Variants in ZNF236 observed in about 807,000 individuals in gnomAD.
ZNF236 encodes the protein zinc finger protein 236.
ZNF236 carries 50 observed loss-of-function variants against 191.2 expected under a neutral mutation model. The observed-to-expected ratio is 0.26, with a 90% CI of 0.21 to 0.33. ZNF236 has a LOEUF of 0.33. Ranked by LOEUF, ZNF236 falls within the 10% of genes least tolerant of loss-of-function variation. The probability of loss-of-function intolerance (pLI) is 1.00; values close to 1 mark genes in which losing one functional copy is unlikely to be tolerated. For missense variants in ZNF236, 1,754 were observed against 2,374.5 expected (o/e 0.74, Z 5.43); for synonymous variants, 907 against 928.8 (o/e 0.98, Z 0.43).
At position 76,971,338 on chromosome 18, in the gene ZNF236, C is replaced by A. The variant is rs992789824; in HGVS notation, c.*2999C>A. On this transcript the variant is annotated 3_prime_UTR_variant, in exon 31 of 31. Transcript: ENST00000320610. ...AAAACTTGAGGCACTTAGAAAGTATCTAAATAGAGGAAATGCTATGACATG... is the reference window on the plus strand; with the variant it reads ...AAAACTTGAGGCACTTAGAAAGTATATAAATAGAGGAAATGCTATGACATG... Among the ~76,000 whole-genome samples, 3 of 152,164 alleles carry A rather than the reference C, an allele frequency of 2.0e-5. No individual in the cohort carries two copies. The highest frequency in any genetic ancestry group is 4.8e-5 in the African/African-American group (2 of 41,430).
intron 15 of ZNF236, 87 bp from the exon 16 acceptor site, chr18:76,910,573 A>G (rs684192): frequency 0.37 from 478,503 of 1,308,422 alleles, 89,889 homozygotes; most frequent in East Asian, 0.53. Context: ...GCCCCTTTAG[A>G]CATTTTAAAT....
At chr18:76,901,878 G>T (rs117870293) in intron 11 of ZNF236, among the ~76,000 whole-genome samples, 2,417 of 152,274 alleles carry the variant, frequency 0.016, 30 homozygotes, top group Middle Eastern at 0.02. Context: ...CCATGGTAGC[G>T]TAGAATACTT....
chr18:76,824,484 G>C (rs1258238942), intron 1 of ZNF236: 7 of 779,914 alleles, frequency 9.0e-6, no homozygotes, highest in Non-Finnish European at 1.7e-5. Context: ...CTTTAAGGAA[G>C]TCTTTGTTGC....
chr18:76,831,920 T>A (rs1347873817), intron 1 of ZNF236, among the ~76,000 whole-genome samples: 1 of 152,248 alleles, frequency 6.6e-6, no homozygotes, highest in Admixed American at 6.5e-5. Context: ...GAGTTTTTTA[T>A]AGTCTCCTAT....
At chr18:76,846,367 G>T (rs186563365) in intron 1 of ZNF236, among the ~76,000 whole-genome samples, 6 of 152,348 alleles carry the variant, frequency 3.9e-5, no homozygotes, top group African/African-American at 7.2e-5. Context: ...CTGGGACACT[G>T]CCCAGAAAGG....
At chr18:76,913,974 T>A in intron 18 of ZNF236, 76 bp downstream of exon 18, 1 of 1,488,578 alleles carries the variant, frequency 6.7e-7, no homozygotes, top group Admixed American at 1.8e-5. Context: ...CATATACCAT[T>A]CAGTTCACCC....
At chr18:76,867,253 C>T (rs1290919711) in intron 3 of ZNF236, among the ~76,000 whole-genome samples, 2 of 147,178 alleles carry the variant, frequency 1.4e-5, no homozygotes, top group Non-Finnish European at 3.0e-5. Flanking sequence ...AGAGCTGCAT[C>T]AAATTATGAT....
intron 5 of ZNF236, among the ~76,000 whole-genome samples, chr18:76,874,661 C>T (rs558564817): frequency 2.6e-5 from 4 of 152,168 alleles, no homozygotes; most frequent in Admixed American, 1.3e-4. Context: ...TGGAATGGAC[C>T]GGAAAGTCCT....
At chr18:76,921,305 C>T (rs910002186) in intron 20 of ZNF236, among the ~76,000 whole-genome samples, 2 of 152,196 alleles carry the variant, frequency 1.3e-5, no homozygotes, top group African/African-American at 4.8e-5. Flanking sequence ...CAGGACCCTT[C>T]AACAGCGAGC....
At chr18:76,865,711 C>A (rs4890779) in intron 3 of ZNF236, among the ~76,000 whole-genome samples, 35,995 of 152,082 alleles carry the variant, frequency 0.24, 5,349 homozygotes, top group East Asian at 0.33. Context: ...GGAAATAGGA[C>A]TAAAATTGCT....
chr18:76,950,594 A>G (rs1348527858), intron 27 of ZNF236, among the ~76,000 whole-genome samples: 1 of 147,452 alleles, frequency 6.8e-6, no homozygotes, highest in Non-Finnish European at 1.5e-5. Flanking sequence ...TCTGTTGCCC[A>G]TTCCTCCACA....
chr18:76,947,244 T>C (rs560843484), intron 26 of ZNF236, among the ~76,000 whole-genome samples: 1 of 152,330 alleles, frequency 6.6e-6, no homozygotes, highest in East Asian at 1.9e-4. Flanking sequence ...CTGAACAATA[T>C]TCCCTTATAC....
At chr18:76,966,708 C>CT in intron 30 of ZNF236, among the ~76,000 whole-genome samples, 1 of 152,194 alleles carries the variant, frequency 6.6e-6, no homozygotes, top group East Asian at 1.9e-4. Context: ...TGGTTTCTCT[C>CT]TTGATTCGCT....
intron 3 of ZNF236, among the ~76,000 whole-genome samples, chr18:76,856,283 A>G (rs1976038656): frequency 6.6e-6 from 1 of 152,070 alleles, no homozygotes; most frequent in Non-Finnish European, 1.5e-5. Context: ...CCCGAGTTCA[A>G]GCGATTCTCC....
rs748020558 is a variant in ZNF236, at chr18:76,910,792, G to A, written c.2786G>A (p.Ser929Asn). Residue 929 changes from serine to asparagine, a missense_variant, in exon 16 of 31, where the codon AGC (serine) becomes AAC (asparagine). Around this residue, in one of 5 missense-constraint regions of ZNF236, gnomAD observed 641 missense variants for 869.6 expected, o/e 0.74. Transcript: ENST00000320610. The part of the protein sequence containing the change: ...FHQQSLLQAP[S>N]SDGMNVTTRL... Reference sequence around the variant, plus strand: ...CAGCAGAGCTTGCTGCAGGCTCCCAGCTCTGATGGGATGAATGTAGTGAGT... The same window carrying A: ...CAGCAGAGCTTGCTGCAGGCTCCCAACTCTGATGGGATGAATGTAGTGAGT... 1.9e-6 allele frequency: 3 copies of A among 1,614,018 alleles called. No homozygotes were observed. Among genetic ancestry groups the A allele is most frequent in the Non-Finnish European group, 2.5e-6 (3 of 1,180,020 alleles).
At chr18:76,848,631 C>G (rs1975771052) in intron 1 of ZNF236, among the ~76,000 whole-genome samples, 1 of 152,110 alleles carries the variant, frequency 6.6e-6, no homozygotes, top group Non-Finnish European at 1.5e-5. Flanking sequence ...TCTTGTCTTC[C>G]TGAACCTCCT....
At chr18:76,939,991 G>A (rs1415804731) in intron 26 of ZNF236, among the ~76,000 whole-genome samples, 3 of 144,764 alleles carry the variant, frequency 2.1e-5, no homozygotes, top group Non-Finnish European at 4.5e-5. Flanking sequence ...AACACGGTGG[G>A]CTACCCTAGC....
intron 3 of ZNF236, among the ~76,000 whole-genome samples, chr18:76,854,040 G>T (rs1181248878): frequency 6.6e-6 from 1 of 150,882 alleles, no homozygotes; most frequent in Non-Finnish European, 1.5e-5. Flanking sequence ...AAAAGAAAAA[G>T]AAAATTGCTG....
rs1968626458 is a variant in ZNF236, at chr18:76,960,114, A to G, written c.5242+298A>G. On this transcript the variant is annotated intron_variant, in intron 29 of 30. Transcript: ENST00000320610. This position sits in a 1 kb window ranked among gnomAD's most constrained non-coding sequence, Gnocchi z 4.4. ...TCCCTCCTTCCCTTCTGCTGGAGCA[A>G]ACAGGCGGCCCCCAGTGCCTGGGTC... is the stretch of plus-strand genomic sequence containing the variant. Among the ~76,000 whole-genome samples the G allele has an allele frequency of 6.6e-6, 1 of 152,132 alleles. No individual in the cohort carries two copies. The highest frequency in any genetic ancestry group is 2.1e-4 in the South Asian group (1 of 4,818).
Sources: allele counts gnomAD v4.1 joint callset (sites outside exome capture counted in the v4.1 genomes callset), GRCh38; gene constraint gnomAD v4.1.1; regional missense constraint gnomAD v4.1.1; non-coding constraint Gnocchi (gnomAD v3.1); transcripts MANE v1.5; gene names NCBI Gene and HGNC (gene_info 2026-07-23, HGNC 2026-07-21).